DAP: variants seen among roughly 807,000 people sequenced by gnomAD.
DAP encodes death associated protein.
In DAP, 8 loss-of-function variants were observed where a neutral mutation model predicts 13.8. The observed-to-expected ratio is 0.58, with a 90% CI of 0.34 to 1.05. The LOEUF is 1.05. Ranked by LOEUF, DAP falls within the 50% of genes least tolerant of loss-of-function variation. The probability of loss-of-function intolerance (pLI) is 0.03; values close to 1 mark genes in which losing one functional copy is unlikely to be tolerated. For missense variants in DAP, 106 were observed against 133.2 expected (o/e 0.80, Z 1.01); for synonymous variants, 47 against 47.5 (o/e 0.99, Z 0.04).
rs1287609360 is a variant in DAP at position 10,680,452 on chromosome 5, G to C, written c.*604C>G. On this transcript the variant is annotated 3_prime_UTR_variant, in exon 4 of 4. Coordinates refer to ENST00000230895, the MANE Select transcript of DAP (RefSeq NM_004394.3). Reference sequence around the variant, plus strand: ...TCATTCTTTGGCATGTTGACTCCTGGAATTGAGGGGCTATTTCTAAGATGC... The same window carrying C: ...TCATTCTTTGGCATGTTGACTCCTGCAATTGAGGGGCTATTTCTAAGATGC... 1 of 468,390 alleles carries C rather than the reference G, an allele frequency of 2.1e-6. No individual in the cohort carries two copies. Among genetic ancestry groups the C allele is most frequent in the East Asian group, 3.8e-5 (1 of 26,512 alleles). 29.0% of individuals were successfully genotyped at this position (468,390 alleles called of 1,614,324 possible). A position where few individuals can be genotyped will look rare whatever the true frequency, so the allele number is the denominator to read the frequency against.
rs148877011 is a variant in DAP, at chr5:10,721,326, C to T, written c.152+26849G>A. On this transcript the variant is annotated intron_variant, in intron 2 of 3. Transcript: ENST00000230895. ...TTCCCACAACATTATGTTCTGCTGGCCTAGAGGTCTTAGTTCCAAAGGGAG... is the reference window on the plus strand; with the variant it reads ...TTCCCACAACATTATGTTCTGCTGGTCTAGAGGTCTTAGTTCCAAAGGGAG... 5.9e-3 allele frequency among the ~76,000 whole-genome samples: 894 copies of T among 152,250 alleles called. 4 individuals carry two copies. Among genetic ancestry groups the T allele is most frequent in the Middle Eastern group, 0.01 (3 of 294 alleles).
chr5:10,714,081 T>TA (rs747341361), intron 2 of DAP, among the ~76,000 whole-genome samples: 4 of 152,184 alleles, frequency 2.6e-5, no homozygotes, highest in South Asian at 2.1e-4. Flanking sequence ...TCTGATGTAA[T>TA]AAAAAATGAG....
intron 1 of DAP, among the ~76,000 whole-genome samples, chr5:10,760,023 G>A (rs564221939): frequency 6.6e-6 from 1 of 152,154 alleles, no homozygotes; most frequent in African/African-American, 2.4e-5. Flanking sequence ...CCAAACTGCT[G>A]GGGTTACAGG....
chr5:10,742,137 G>A (rs1262772368), intron 2 of DAP, among the ~76,000 whole-genome samples: 1 of 142,484 alleles, frequency 7.0e-6, no homozygotes, highest in Admixed American at 6.9e-5. Flanking sequence ...TTAAGTAACT[G>A]GAGTTCTTCT....
chr5:10,747,754 A>G (rs546775912), intron 2 of DAP, among the ~76,000 whole-genome samples: 2 of 152,344 alleles, frequency 1.3e-5, no homozygotes, highest in South Asian at 4.1e-4. Context: ...CCTTGGGAAG[A>G]GGGTGGCTGG....
intron 2 of DAP, among the ~76,000 whole-genome samples, chr5:10,703,864 C>T (rs1451392578): frequency 1.3e-5 from 2 of 152,240 alleles, no homozygotes; most frequent in African/African-American, 4.8e-5. Context: ...TGTGCCTTCA[C>T]TGCCTCTCCA....
chr5:10,746,127 C>T (rs925245938), intron 2 of DAP, among the ~76,000 whole-genome samples: 9 of 152,144 alleles, frequency 5.9e-5, no homozygotes, highest in Admixed American at 5.2e-4. Context: ...CTAGGGGGTA[C>T]TATGTGGTAT....
chr5:10,736,010 T>C (rs1739602510), intron 2 of DAP, among the ~76,000 whole-genome samples: 1 of 152,194 alleles, frequency 6.6e-6, no homozygotes, highest in African/African-American at 2.4e-5. Context: ...GGTAGGCCCC[T>C]AATGCAATAG....
intron 2 of DAP, among the ~76,000 whole-genome samples, chr5:10,719,093 TGGTGTACAGC>T (rs1196177781): frequency 1.3e-5 from 2 of 152,226 alleles, no homozygotes; most frequent in Admixed American, 6.5e-5. Context: ...AAGGGTCCAG[TGGTGTACAGC>T]CTGTCAAGAT....
At chr5:10,687,483 G>A (rs1372590066) in intron 2 of DAP, among the ~76,000 whole-genome samples, 2 of 152,174 alleles carry the variant, frequency 1.3e-5, no homozygotes, top group African/African-American at 4.8e-5. Context: ...ACCCTCATGG[G>A]TAACTTTGAG....
intron 2 of DAP, among the ~76,000 whole-genome samples, chr5:10,714,581 G>T (rs968411960): frequency 2.0e-5 from 3 of 152,074 alleles, no homozygotes; most frequent in Admixed American, 6.6e-5. Flanking sequence ...AATTCAAAAG[G>T]ATTTGAAAAG....
intron 2 of DAP, among the ~76,000 whole-genome samples, chr5:10,727,530 C>T (rs541614763): frequency 3.4e-4 from 51 of 152,144 alleles, no homozygotes; most frequent in African/African-American, 1.1e-3. Flanking sequence ...CTCAAGGGCC[C>T]GACTTCATTC....
At chr5:10,694,076 G>A (rs572654135) in intron 2 of DAP, among the ~76,000 whole-genome samples, 5 of 152,242 alleles carry the variant, frequency 3.3e-5, no homozygotes, top group Non-Finnish European at 7.4e-5. Flanking sequence ...CGGGTCGTCT[G>A]AGATCTCCAC....
chr5:10,722,656 G>A (rs559911433), intron 2 of DAP, among the ~76,000 whole-genome samples: 27 of 148,816 alleles, frequency 1.8e-4, no homozygotes, highest in Middle Eastern at 3.5e-3. Context: ...ATATGTTCAC[G>A]ACTGCAAGTG....
intron 2 of DAP, 72 bp downstream of exon 2, chr5:10,748,103 A>T: frequency 3.7e-6 from 4 of 1,069,656 alleles, no homozygotes; most frequent in Non-Finnish European, 5.8e-6. Flanking sequence ...CATAGAACAG[A>T]GAACAAATGT....
intron 2 of DAP, among the ~76,000 whole-genome samples, chr5:10,724,289 A>G (rs1323564415): frequency 2.0e-5 from 3 of 152,206 alleles, no homozygotes; most frequent in Non-Finnish European, 4.4e-5. Context: ...TTTTCTCCAG[A>G]GTCTAGCAAG....
At chr5:10,704,723 C>T (rs1020662850) in intron 2 of DAP, among the ~76,000 whole-genome samples, 1 of 152,184 alleles carries the variant, frequency 6.6e-6, no homozygotes, top group African/African-American at 2.4e-5. Flanking sequence ...CAACACCTGT[C>T]TTCTGTTTGT....
At chr5:10,696,043 A>G (rs2126642089) in intron 2 of DAP, among the ~76,000 whole-genome samples, 1 of 152,178 alleles carries the variant, frequency 6.6e-6, no homozygotes, top group South Asian at 2.1e-4. Flanking sequence ...CAGCTCCAGA[A>G]AGCTCCTGTG....
At position 10,696,347 on chromosome 5, in the gene DAP, G is replaced by A. The variant is rs896770910; in HGVS notation, c.153-12776C>T. On this transcript the variant is annotated intron_variant, in intron 2 of 3. Coordinates refer to ENST00000230895, the MANE Select transcript of DAP (RefSeq NM_004394.3). ...CAGGGAATAGGGGGTGTGGCGGGGG[G>A]GAGGCTTCAGCCTGGTGTAGAAATC... 4.6e-5 allele frequency among the ~76,000 whole-genome samples: 7 copies of A among 152,260 alleles called. No individual in the cohort carries two copies. In the East Asian group the frequency reaches 1.2e-3, roughly 25 times the overall value.
Sources: allele counts gnomAD v4.1 joint callset (sites outside exome capture counted in the v4.1 genomes callset), GRCh38; gene constraint gnomAD v4.1.1; transcripts MANE v1.5; gene names NCBI Gene and HGNC (gene_info 2026-07-23, HGNC 2026-07-21).